NBEA: variants seen among roughly 807,000 people sequenced by gnomAD.
NBEA encodes neurobeachin.
A neutral mutation model predicts 343.4 loss-of-function variants in NBEA; 44 were observed. The ratio of observed to expected loss-of-function variants is 0.13; its 90% CI spans 0.10 to 0.16. The LOEUF (loss-of-function observed/expected upper bound fraction) is 0.16, where lower values mean the gene tolerates loss of function less well. Among genes scored for constraint, NBEA ranks in the 10% least tolerant of loss-of-function variants. The pLI is 1.00. For synonymous variants in NBEA, 1,175 were observed against 1,238.7 expected, an observed-to-expected ratio of 0.95 and a Z score of 1.08; for missense variants, 2,555 against 3,631.3, an observed-to-expected ratio of 0.70 and a Z score of 7.62.
intron 1 of NBEA, among the ~76,000 whole-genome samples, chr13:35,013,517 C>T (rs2152535411): frequency 1.3e-5 from 2 of 151,384 alleles, no homozygotes; most frequent in African/African-American, 4.9e-5. Flanking sequence ...GTTGCCCAGG[C>T]TGGAGTGCAG....
intron 24 of NBEA, among the ~76,000 whole-genome samples, chr13:35,166,481 A>G (rs1266025117): frequency 6.6e-6 from 1 of 152,190 alleles, no homozygotes; most frequent in African/African-American, 2.4e-5. Context: ...TACCTAGACT[A>G]TCTCAACAGA....
chr13:35,006,816 G>A (rs776083364), intron 1 of NBEA, among the ~76,000 whole-genome samples: 5 of 152,128 alleles, frequency 3.3e-5, no homozygotes, highest in South Asian at 4.1e-4. Flanking sequence ...GCAGTGGCAC[G>A]ATCTTGGCTT....
rs374254641 is a variant in NBEA, at chr13:35,670,782, C to T, written c.8814-119C>T. On this transcript the variant is annotated intron_variant, in intron 58 of 58. Transcript: ENST00000379939. ...GAATACAAAATTAAGACTTGGCAAA[C>T]CTTGAGATCGTGATATTGTCTAGTG... is the stretch of plus-strand genomic sequence containing the variant. 7 of 683,076 alleles carry T rather than the reference C, an allele frequency of 1.0e-5. No homozygotes were observed. The East Asian group carries it at 1.1e-4, about 11-fold the overall frequency. The allele number at this position is 683,076 out of a possible 1,614,324, so 42.3% of individuals were successfully genotyped here.
At chr13:35,364,765 G>A (rs1353738076) in intron 38 of NBEA, among the ~76,000 whole-genome samples, 9 of 151,764 alleles carry the variant, frequency 5.9e-5, no homozygotes, top group Admixed American at 5.9e-4. Context: ...AAGTGAAATG[G>A]CCTGTGAGGC....
chr13:35,204,608 C>G (rs774016571), intron 31 of NBEA, among the ~76,000 whole-genome samples: 1 of 152,028 alleles, frequency 6.6e-6, no homozygotes, highest in African/African-American at 2.4e-5. Flanking sequence ...GGGACACAGC[C>G]AAACCATATC....
At chr13:35,170,025 G>A (rs1463144585) in intron 25 of NBEA, among the ~76,000 whole-genome samples, 1 of 151,762 alleles carries the variant, frequency 6.6e-6, no homozygotes, top group Non-Finnish European at 1.5e-5. Context: ...TAAATGGAAG[G>A]AGGAATGGTT....
At chr13:35,168,774 TGAA>T (rs1482637991) in intron 24 of NBEA, among the ~76,000 whole-genome samples, 1 of 151,392 alleles carries the variant, frequency 6.6e-6, no homozygotes, top group African/African-American at 2.4e-5. Flanking sequence ...AAAAATAAGT[TGAA>T]GTCTAAATAT....
chr13:35,157,955 G>GA (rs34880367), intron 21 of NBEA, among the ~76,000 whole-genome samples: 1 of 152,020 alleles, frequency 6.6e-6, no homozygotes, highest in African/African-American at 2.4e-5. Flanking sequence ...ACACGAGTTA[G>GA]AAAAAAATGT....
chr13:35,227,172 G>A (rs1566487187), intron 33 of NBEA, among the ~76,000 whole-genome samples: 2 of 151,506 alleles, frequency 1.3e-5, no homozygotes, highest in Non-Finnish European at 2.9e-5. Flanking sequence ...TTTCCGTAGC[G>A]GCCACAACCT....
At chr13:35,509,308 G>A (rs1191535567) in intron 41 of NBEA, among the ~76,000 whole-genome samples, 1 of 152,134 alleles carries the variant, frequency 6.6e-6, no homozygotes, top group Non-Finnish European at 1.5e-5. Context: ...TCCTGGGCAG[G>A]GAAGGCACCA....
chr13:35,253,232 T>C (rs2032186226), intron 34 of NBEA, among the ~76,000 whole-genome samples: 1 of 152,230 alleles, frequency 6.6e-6, no homozygotes, highest in Non-Finnish European at 1.5e-5. Context: ...GCTTCACTTA[T>C]TATGCTTTAC....
chr13:35,399,450 C>G (rs1022531978), intron 38 of NBEA, among the ~76,000 whole-genome samples: 3 of 151,918 alleles, frequency 2.0e-5, no homozygotes, highest in Non-Finnish European at 4.4e-5. Flanking sequence ...GAAGGAGGAA[C>G]TTCCAAACAC....
chr13:35,268,289 A>G (rs894415608), intron 34 of NBEA, among the ~76,000 whole-genome samples: 3 of 152,078 alleles, frequency 2.0e-5, no homozygotes, highest in African/African-American at 7.2e-5. Flanking sequence ...TATATGAGGG[A>G]CATAGAGTAG....
chr13:35,401,025 T>C (rs2042979859), intron 38 of NBEA, among the ~76,000 whole-genome samples: 1 of 152,034 alleles, frequency 6.6e-6, no homozygotes, highest in African/African-American at 2.4e-5. Flanking sequence ...CATAATTCCT[T>C]CACATGTGCC....
rs566016970 is a variant in NBEA at position 35,114,864 on chromosome 13, C to G, written c.2003-2550C>G. On this transcript the variant is annotated intron_variant, in intron 13 of 58. Coordinates refer to ENST00000379939, the MANE Select transcript of NBEA (RefSeq NM_001385012.1). ...GTTCTGACTTGAAGTATATACTTTTCTAAATGACAGCATTTTTCAATACCA... is the reference window on the plus strand; with the variant it reads ...GTTCTGACTTGAAGTATATACTTTTGTAAATGACAGCATTTTTCAATACCA... Among the ~76,000 whole-genome samples, 6 of 152,144 alleles carry G rather than the reference C, an allele frequency of 3.9e-5. No individual in the cohort carries two copies. The South Asian group carries it at 1.2e-3, about 32-fold the overall frequency.
chr13:35,079,422 C>T (rs767069720), intron 10 of NBEA, among the ~76,000 whole-genome samples: 4 of 152,018 alleles, frequency 2.6e-5, no homozygotes, highest in Non-Finnish European at 4.4e-5. Context: ...GGTTATATAA[C>T]CTAGAGATAC....
At chr13:35,181,001 C>G (rs1194967379) in intron 28 of NBEA, among the ~76,000 whole-genome samples, 1 of 151,716 alleles carries the variant, frequency 6.6e-6, no homozygotes. Context: ...TGCCATTATT[C>G]CATTACTTTT....
At chr13:35,631,128 T>G (rs578171755) in intron 49 of NBEA, among the ~76,000 whole-genome samples, 2 of 152,274 alleles carry the variant, frequency 1.3e-5, no homozygotes, top group East Asian at 3.9e-4. Context: ...TCATTCAATC[T>G]CACTTTACCT....
At chr13:35,241,110 T>C (rs1265510694) in intron 34 of NBEA, among the ~76,000 whole-genome samples, 1 of 151,894 alleles carries the variant, frequency 6.6e-6, no homozygotes, top group African/African-American at 2.4e-5. Context: ...ATTTTTAAAT[T>C]ATTTTCATGG....
Sources: allele counts gnomAD v4.1 joint callset (sites outside exome capture counted in the v4.1 genomes callset), GRCh38; gene constraint gnomAD v4.1.1; transcripts MANE v1.5; gene names NCBI Gene and HGNC (gene_info 2026-07-23, HGNC 2026-07-21).